The following CORO1C variants were observed in gnomAD, a reference collection of about 807,000 sequenced individuals.
CORO1C encodes coronin 1C, also known as coronin-1C.
CORO1C carries 14 observed loss-of-function variants against 51.2 expected under a neutral mutation model. That is an observed-to-expected ratio of 0.27 (90% confidence interval 0.18 to 0.43). The LOEUF (loss-of-function observed/expected upper bound fraction) is 0.43, where lower values mean the gene tolerates loss of function less well. CORO1C is among the 20% of genes least tolerant of loss of function. The pLI is 1.00. For synonymous variants in CORO1C, 181 were observed against 210.5 expected, an observed-to-expected ratio of 0.86 and a Z score of 1.21; for missense variants, 417 against 607.8, an observed-to-expected ratio of 0.69 and a Z score of 3.30.
Position 108,652,530 on chromosome 12 carries a change from C to A in CORO1C, c.856-113G>T, listed in dbSNP as rs147482343. ...AGTAGTTGGGACCCCGCTTCAGTAGCTGACCTTTTCTTCCTCATAAAGAGG... is the reference window on the plus strand; with the variant it reads ...AGTAGTTGGGACCCCGCTTCAGTAGATGACCTTTTCTTCCTCATAAAGAGG... On this transcript the variant is annotated intron_variant, in intron 7 of 10. Transcript: ENST00000261401. The A allele has an allele frequency of 2.3e-3, 1,755 of 762,414 alleles. 10 individuals carry two copies. Among genetic ancestry groups the A allele is most frequent in the Non-Finnish European group, 3.1e-3 (1,399 of 450,824 alleles). The allele number at this position is 762,414 out of a possible 1,614,324, so 47.2% of individuals were successfully genotyped here. A position where few individuals can be genotyped will look rare whatever the true frequency, so the allele number is the denominator to read the frequency against.
intron 8 of CORO1C, among the ~76,000 whole-genome samples, chr12:108,651,151 A>G (rs944547446): frequency 4.6e-5 from 7 of 152,248 alleles, no homozygotes; most frequent in African/African-American, 1.2e-4. Context: ...AATATAAAAA[A>G]GGGGCTTATA....
chr12:108,719,803 A>G (rs893886130), intron 1 of CORO1C, among the ~76,000 whole-genome samples: 2 of 152,232 alleles, frequency 1.3e-5, no homozygotes, highest in Non-Finnish European at 2.9e-5. Context: ...TCCCCTTGAC[A>G]GAAATTATGG....
intron 2 of CORO1C, among the ~76,000 whole-genome samples, chr12:108,678,859 C>T (rs1045599306): frequency 2.0e-5 from 3 of 151,642 alleles, no homozygotes; most frequent in Admixed American, 6.6e-5. Flanking sequence ...CGGTGGCTCA[C>T]GCCTATAATC....
In CORO1C at chr12:108,648,675, C is replaced by T. The variant is rs1218869740; in HGVS notation, c.1235G>A (p.Ser412Asn). The T allele has an allele frequency of 1.2e-6, 2 of 1,614,188 alleles. No individual in the cohort carries two copies. Among genetic ancestry groups the T allele is most frequent in the Middle Eastern group, 1.6e-4 (1 of 6,062 alleles). The change falls in exon 10 of 11, where the codon AGC becomes AAC. Residue 412 changes from serine (S) to asparagine (N), a missense_variant. Ser to Asn is a conservative substitution (Grantham distance 46, BLOSUM62 1). Transcript: ENST00000261401. ...LKVVKKNILDSKPTANKKCDL... is the reference protein window; with the variant it reads ...LKVVKKNILDNKPTANKKCDL... ...GCACTTCTTGTTTGCAGTGGGCTTG[C>T]TATCCAGAATGTTCTTCTTGACCAC...
chr12:108,716,553 G>A (rs572690636), intron 1 of CORO1C, among the ~76,000 whole-genome samples: 28 of 152,286 alleles, frequency 1.8e-4, no homozygotes, highest in Middle Eastern at 3.4e-3. Flanking sequence ...TGTTTCAAAG[G>A]AACATTAAGG....
intron 1 of CORO1C, among the ~76,000 whole-genome samples, chr12:108,711,930 A>T (rs1361363337): frequency 6.6e-6 from 1 of 152,202 alleles, no homozygotes; most frequent in African/African-American, 2.4e-5. Context: ...TCTATGGTTC[A>T]TATGAAAGGA....
chr12:108,679,120 A>G (rs1378931834), intron 2 of CORO1C, among the ~76,000 whole-genome samples: 2 of 149,040 alleles, frequency 1.3e-5, no homozygotes, highest in Non-Finnish European at 3.0e-5. Context: ...AAAAAAAAAA[A>G]AAAAAAAAAG....
rs9783521 is a variant in CORO1C, at chr12:108,674,120, C to T, written c.318+4152G>A. On this transcript the variant is annotated intron_variant, in intron 3 of 10. Transcript: ENST00000261401. Reference sequence around the variant, plus strand: ...TGATGAAAATGTACAAGGAGATTAACGTTGTTTTCACCTGCTAACATCAAT... The same window carrying T: ...TGATGAAAATGTACAAGGAGATTAATGTTGTTTTCACCTGCTAACATCAAT... Among the ~76,000 whole-genome samples, 222 of 152,194 alleles carry T rather than the reference C, an allele frequency of 1.5e-3. 2 individuals are homozygous for T. The highest frequency in any genetic ancestry group is 5.0e-3 in the African/African-American group (209 of 41,560).
chr12:108,697,959 T>A (rs555446013), intron 2 of CORO1C, among the ~76,000 whole-genome samples: 259 of 152,336 alleles, frequency 1.7e-3, no homozygotes, highest in African/African-American at 6.0e-3. Context: ...GTCAGCCCCA[T>A]AGAGAAATGT....
chr12:108,714,017 T>C (rs1592943941), intron 1 of CORO1C, among the ~76,000 whole-genome samples: 2 of 152,270 alleles, frequency 1.3e-5, no homozygotes, highest in East Asian at 1.9e-4. Flanking sequence ...GGGTATCTGT[T>C]ATGACCAAGG....
chr12:108,695,177 CAGG>C, intron 2 of CORO1C, among the ~76,000 whole-genome samples: 1 of 152,192 alleles, frequency 6.6e-6, no homozygotes, highest in Admixed American at 6.5e-5. Context: ...TGGCAGTCAT[CAGG>C]AGGTCCTATG....
intron 3 of CORO1C, among the ~76,000 whole-genome samples, chr12:108,672,350 C>T (rs2033751596): frequency 6.6e-6 from 1 of 152,176 alleles, no homozygotes; most frequent in South Asian, 2.1e-4. Context: ...GGATAATAGA[C>T]ACAGCATGGG....
intron 2 of CORO1C, among the ~76,000 whole-genome samples, chr12:108,690,761 C>T (rs868499260): frequency 1.5e-4 from 23 of 152,260 alleles, no homozygotes; most frequent in African/African-American, 5.5e-4. Context: ...CAAATAAAAA[C>T]TTGGAACCCA....
intron 2 of CORO1C, among the ~76,000 whole-genome samples, chr12:108,693,451 A>T (rs1436825330): frequency 6.6e-6 from 1 of 152,230 alleles, no homozygotes; most frequent in East Asian, 1.9e-4. Flanking sequence ...TGATCTAGTT[A>T]AAACAATGAT....
chr12:108,701,346 A>C, intron 1 of CORO1C, 23 bp from the exon 2 acceptor site: 1 of 1,614,046 alleles, frequency 6.2e-7, no homozygotes. Context: ...AGTGAGAATT[A>C]TGTTAGAATT....
At chr12:108,704,813 A>C (rs1458024807) in intron 1 of CORO1C, among the ~76,000 whole-genome samples, 1 of 152,212 alleles carries the variant, frequency 6.6e-6, no homozygotes, top group Non-Finnish European at 1.5e-5. Flanking sequence ...CCAGAGTCAG[A>C]CAGCCTCGTA....
intron 2 of CORO1C, among the ~76,000 whole-genome samples, chr12:108,687,672 C>T (rs1174978514): frequency 6.6e-6 from 1 of 151,638 alleles, no homozygotes; most frequent in Admixed American, 6.6e-5. Context: ...ATAGTCCCAG[C>T]TACTCAGGAG....
intron 2 of CORO1C, among the ~76,000 whole-genome samples, chr12:108,680,381 A>C (rs984346055): frequency 1.3e-5 from 2 of 152,224 alleles, no homozygotes; most frequent in Non-Finnish European, 2.9e-5. Context: ...TGGATCTTCC[A>C]AAACGCATCA....
intron 2 of CORO1C, among the ~76,000 whole-genome samples, chr12:108,692,285 A>G (rs2136853002): frequency 6.6e-6 from 1 of 152,302 alleles, no homozygotes; most frequent in East Asian, 1.9e-4. Flanking sequence ...ACATGTCAGG[A>G]CACTGGCTGG....
Sources: gnomAD v4.1 joint callset for allele counts (sites outside exome capture counted in the v4.1 genomes callset) on GRCh38, gnomAD v4.1.1 for gene constraint, MANE v1.5 for transcripts, NCBI Gene and HGNC (gene_info 2026-07-23, HGNC 2026-07-21) for gene names.